Variants in DPP10 observed in about 807,000 individuals in gnomAD.
DPP10 encodes the protein inactive dipeptidyl peptidase 10.
A neutral mutation model predicts 120.9 loss-of-function variants in DPP10; 33 were observed. The ratio of observed to expected loss-of-function variants is 0.27; its 90% CI spans 0.21 to 0.37. The LOEUF is 0.37. Among genes scored for constraint, DPP10 ranks in the 10% least tolerant of loss-of-function variants. The pLI is 1.00. For synonymous variants in DPP10, 337 were observed against 326.1 expected (o/e 1.03, Z -0.36); for missense variants, 816 against 942.8 (o/e 0.87, Z 1.76).
chr2:114,796,388 A>G (rs1683714297), intron 1 of DPP10, among the ~76,000 whole-genome samples: 1 of 152,096 alleles, frequency 6.6e-6, no homozygotes, highest in Non-Finnish European at 1.5e-5. Context: ...TAAATACAGT[A>G]CTGTACTGTA....
chr2:114,790,334 T>A (rs1022142986), intron 1 of DPP10, among the ~76,000 whole-genome samples: 1 of 152,242 alleles, frequency 6.6e-6, no homozygotes, highest in Non-Finnish European at 1.5e-5. Context: ...CTAATTTTCA[T>A]GTTATGCTTG....
chr2:115,805,089 C>T (rs1386609332), intron 19 of DPP10, among the ~76,000 whole-genome samples: 3 of 152,202 alleles, frequency 2.0e-5, no homozygotes, highest in Non-Finnish European at 4.4e-5. Context: ...CCAGTTGGAG[C>T]TTCTGGGCTG....
chr2:114,926,633 T>A (rs1695644483), intron 1 of DPP10, among the ~76,000 whole-genome samples: 1 of 152,136 alleles, frequency 6.6e-6, no homozygotes, highest in African/African-American at 2.4e-5. Flanking sequence ...TGACAGGTAC[T>A]TTCCCCCTCT....
chr2:114,757,943 T>C (rs1679936493), intron 1 of DPP10, among the ~76,000 whole-genome samples: 1 of 152,056 alleles, frequency 6.6e-6, no homozygotes, highest in South Asian at 2.1e-4. Context: ...TCCTGTGGAG[T>C]CTGTCTCCAT....
intron 1 of DPP10, among the ~76,000 whole-genome samples, chr2:114,717,702 TC>T (rs1701444533): frequency 1.3e-5 from 2 of 152,234 alleles, no homozygotes; most frequent in East Asian, 3.9e-4. Flanking sequence ...ACCCAGTACC[TC>T]CCCACCAGTA....
chr2:115,440,499 G>A (rs2071930701), intron 3 of DPP10, among the ~76,000 whole-genome samples: 1 of 152,034 alleles, frequency 6.6e-6, no homozygotes, highest in South Asian at 2.1e-4. Context: ...GTACCCAAGC[G>A]AGTTAGTGAG....
At chr2:115,110,105 A>G (rs1458257380) in intron 1 of DPP10, among the ~76,000 whole-genome samples, 1 of 152,242 alleles carries the variant, frequency 6.6e-6, no homozygotes, top group African/African-American at 2.4e-5. Context: ...CTGGCAAAAA[A>G]GTCAGGAAGA....
intron 3 of DPP10, among the ~76,000 whole-genome samples, chr2:115,375,654 T>G (rs1000239207): frequency 3.3e-5 from 5 of 152,164 alleles, no homozygotes; most frequent in African/African-American, 1.2e-4. Context: ...ACTGGATAAT[T>G]TATGAAGAAA....
intron 1 of DPP10, among the ~76,000 whole-genome samples, chr2:115,070,149 A>T (rs2105448287): frequency 6.6e-6 from 1 of 152,226 alleles, no homozygotes; most frequent in South Asian, 2.1e-4. Flanking sequence ...GAAATACATT[A>T]TGTGGTGATA....
At chr2:115,469,889 AAAAAAAAAAAG>A (rs1268850631) in intron 3 of DPP10, among the ~76,000 whole-genome samples, 6 of 148,250 alleles carry the variant, frequency 4.0e-5, no homozygotes, top group Admixed American at 1.4e-4. Flanking sequence ...CAAGAGAAAA[AAAAAAAAAAAG>A]AAAAAAAAAA....
intron 1 of DPP10, among the ~76,000 whole-genome samples, chr2:115,237,422 A>T (rs2058059034): frequency 2.0e-5 from 3 of 152,122 alleles, no homozygotes; most frequent in African/African-American, 7.2e-5. Context: ...CCTTTTCCGC[A>T]GGCCTCCATA....
At chr2:115,163,721 G>A (rs181019519) in intron 1 of DPP10, among the ~76,000 whole-genome samples, 1 of 152,166 alleles carries the variant, frequency 6.6e-6, no homozygotes, top group Non-Finnish European at 1.5e-5. Context: ...CTACCAGTAA[G>A]AAAGATTAGC....
At chr2:115,486,212 A>G (rs2075769602) in intron 3 of DPP10, among the ~76,000 whole-genome samples, 1 of 149,724 alleles carries the variant, frequency 6.7e-6, no homozygotes, top group Admixed American at 6.9e-5. Flanking sequence ...GATATTAACC[A>G]TGACTACAGA....
chr2:115,669,394 GA>G (rs1173889278), intron 5 of DPP10, among the ~76,000 whole-genome samples: 1 of 152,046 alleles, frequency 6.6e-6, no homozygotes, highest in Non-Finnish European at 1.5e-5. Flanking sequence ...ATGCAAACGG[GA>G]AAAATTAAAG....
chr2:115,409,056 T>G (rs2068741560), intron 3 of DPP10, among the ~76,000 whole-genome samples: 1 of 152,026 alleles, frequency 6.6e-6, no homozygotes, highest in African/African-American at 2.4e-5. Flanking sequence ...AAAAAAATAC[T>G]GATAGACTTT....
intron 8 of DPP10, among the ~76,000 whole-genome samples, chr2:115,736,684 T>C (rs976033980): frequency 2.1e-4 from 32 of 152,122 alleles, no homozygotes; most frequent in African/African-American, 7.5e-4. Flanking sequence ...AAAGGAAATA[T>C]TTTGTGGCAA....
intron 1 of DPP10, among the ~76,000 whole-genome samples, chr2:114,748,338 C>CT (rs1255227047): frequency 0.17 from 11,702 of 69,518 alleles, 1,598 homozygotes; most frequent in South Asian, 0.31. Context: ...AGGGAATTTT[C>CT]TTTTTTTTTT....
intron 3 of DPP10, among the ~76,000 whole-genome samples, chr2:115,429,028 G>C (rs1270276728): frequency 6.6e-6 from 1 of 151,446 alleles, no homozygotes; most frequent in Non-Finnish European, 1.5e-5. Context: ...AAAGTAAAGG[G>C]AAAAGCAAAA....
intron 3 of DPP10, among the ~76,000 whole-genome samples, chr2:115,398,176 T>G (rs1051788495): frequency 9.4e-5 from 1 of 10,652 alleles, no homozygotes; most frequent in Admixed American, 2.2e-3. Flanking sequence ...GTATATGACT[T>G]TTTTTTTTTT....
Sources: allele counts gnomAD v4.1 joint callset (sites outside exome capture counted in the v4.1 genomes callset), GRCh38; gene constraint gnomAD v4.1.1; transcripts MANE v1.5; gene names NCBI Gene and HGNC (gene_info 2026-07-23, HGNC 2026-07-21).